SDK1: variants seen among roughly 807,000 people sequenced by gnomAD.
SDK1 encodes the protein sidekick cell adhesion molecule 1.
Under a neutral mutation model 245.5 loss-of-function variants are expected in SDK1, and 157 were observed. The observed-to-expected ratio is 0.64, with a 90% confidence interval of 0.56 to 0.73. SDK1 has a LOEUF of 0.73. Ranked by LOEUF, SDK1 falls within the 30% of genes least tolerant of loss-of-function variation. The pLI, the probability that SDK1 is intolerant of heterozygous loss-of-function variation, is 0.00. For missense variants in SDK1, 3,583 were observed against 3,002.3 expected, an observed-to-expected ratio of 1.19 and a Z score of -4.52; for synonymous variants, 1,647 against 1,278.5, an observed-to-expected ratio of 1.29 and a Z score of -6.15.
intron 44 of SDK1, among the ~76,000 whole-genome samples, chr7:4,259,404 T>C (rs13228974): frequency 0.19 from 28,540 of 152,186 alleles, 3,020 homozygotes; most frequent in Non-Finnish European, 0.24. Flanking sequence ...CACTGCACTC[T>C]AGCCTGGGCT....
chr7:4,008,574 G>C (rs1369832225), intron 14 of SDK1, among the ~76,000 whole-genome samples: 1 of 152,176 alleles, frequency 6.6e-6, no homozygotes, highest in African/African-American at 2.4e-5. Flanking sequence ...GCACGTAAAA[G>C]AAAGCGAAGA....
chr7:3,648,376 A>C (rs896060945), intron 4 of SDK1, among the ~76,000 whole-genome samples: 4 of 152,214 alleles, frequency 2.6e-5, no homozygotes, highest in Admixed American at 6.5e-5. Flanking sequence ...ATGTGCAAGC[A>C]CAAGTATTCT....
chr7:3,471,511 C>A (rs1781180002), intron 1 of SDK1, among the ~76,000 whole-genome samples: 1 of 152,100 alleles, frequency 6.6e-6, no homozygotes, highest in South Asian at 2.1e-4. Flanking sequence ...ATTAAGGAGT[C>A]ATTAATAAAG....
rs555868355 is a variant in SDK1, at chr7:4,112,550, A to T, written c.3435-739A>T. 6.7e-4 allele frequency among the ~76,000 whole-genome samples: 102 copies of T among 152,276 alleles called. 3 individuals are homozygous for T. In the South Asian group the frequency reaches 0.02, roughly 30 times the overall value. On this transcript the variant is annotated intron_variant, in intron 23 of 44. Coordinates refer to ENST00000404826, the MANE Select transcript of SDK1 (RefSeq NM_152744.4). ...TGCCCTTTGGTAGTGACATCCTGAT[A>T]TTCCAATTCTGTCCCATAGCTACTT...
chr7:3,618,665 T>G, intron 1 of SDK1, among the ~76,000 whole-genome samples: 1 of 152,260 alleles, frequency 6.6e-6, no homozygotes, highest in Non-Finnish European at 1.5e-5. Context: ...TTGCTTATCT[T>G]ACTTTTTTAA....
intron 4 of SDK1, among the ~76,000 whole-genome samples, chr7:3,645,919 C>T (rs1041128346): frequency 1.3e-5 from 2 of 151,800 alleles, no homozygotes; most frequent in Non-Finnish European, 2.9e-5. Flanking sequence ...AGTGCAGTGG[C>T]CCAATCTAGG....
chr7:3,563,119 A>C (rs1376526402), intron 1 of SDK1, among the ~76,000 whole-genome samples: 1 of 152,214 alleles, frequency 6.6e-6, no homozygotes, highest in Non-Finnish European at 1.5e-5. Context: ...GACATTGTGA[A>C]AATGAAAAGC....
intron 1 of SDK1, among the ~76,000 whole-genome samples, chr7:3,381,433 A>G (rs1781484318): frequency 6.6e-6 from 1 of 152,128 alleles, no homozygotes; most frequent in African/African-American, 2.4e-5. Flanking sequence ...GGGGCAAAGC[A>G]GTGACAGCGG....
At chr7:3,437,722 C>T (rs1275594580) in intron 1 of SDK1, among the ~76,000 whole-genome samples, 2 of 152,122 alleles carry the variant, frequency 1.3e-5, no homozygotes, top group Non-Finnish European at 2.9e-5. Context: ...GCACTCCAGC[C>T]TGGGTGACAG....
rs77408333 is a variant in SDK1, at chr7:4,048,487, C to T, written c.2603-861C>T. Among the ~76,000 whole-genome samples the T allele has an allele frequency of 6.9e-3, 1,051 of 152,258 alleles. 12 individuals are homozygous for T. The highest frequency in any genetic ancestry group is 0.024 in the African/African-American group (985 of 41,558). On this transcript the variant is annotated intron_variant, in intron 17 of 44. Coordinates refer to ENST00000404826, the MANE Select transcript of SDK1 (RefSeq NM_152744.4). Reference sequence around the variant, plus strand: ...CTGTCAGCACCCCGCTTCCCCCCACCCCTCGTCCAGCCGTGCTCCGTGTGC... The same window carrying T: ...CTGTCAGCACCCCGCTTCCCCCCACTCCTCGTCCAGCCGTGCTCCGTGTGC...
chr7:4,143,107 C>G (rs1284897896), intron 28 of SDK1, among the ~76,000 whole-genome samples: 1 of 152,194 alleles, frequency 6.6e-6, no homozygotes, highest in East Asian at 1.9e-4. Context: ...GGGTGTCACT[C>G]CTCAGGGCTG....
chr7:3,670,165 G>T (rs2128662427), intron 4 of SDK1, among the ~76,000 whole-genome samples: 1 of 152,230 alleles, frequency 6.6e-6, no homozygotes, highest in African/African-American at 2.4e-5. Context: ...CATTCCCCAT[G>T]CTGTGGTCAG....
At chr7:3,551,495 A>G (rs1350433494) in intron 1 of SDK1, among the ~76,000 whole-genome samples, 1 of 152,042 alleles carries the variant, frequency 6.6e-6, no homozygotes, top group African/African-American at 2.4e-5. Flanking sequence ...GGACACATTT[A>G]TACATCATTT....
At chr7:3,550,382 C>T (rs989079319) in intron 1 of SDK1, among the ~76,000 whole-genome samples, 2 of 152,144 alleles carry the variant, frequency 1.3e-5, no homozygotes, top group African/African-American at 4.8e-5. Context: ...AATCAACATA[C>T]TGTGGCACGA....
chr7:3,545,671 T>A, intron 1 of SDK1, among the ~76,000 whole-genome samples: 1 of 152,210 alleles, frequency 6.6e-6, no homozygotes, highest in East Asian at 1.9e-4. Context: ...TGCCATCCTC[T>A]GGCTGGTTCA....
intron 32 of SDK1, among the ~76,000 whole-genome samples, chr7:4,164,977 A>G (rs996134176): frequency 1.3e-5 from 2 of 152,262 alleles, no homozygotes; most frequent in Admixed American, 1.3e-4. Flanking sequence ...AAACAGAACA[A>G]AGAAAAAGAA....
At chr7:3,437,879 A>G (rs1028370278) in intron 1 of SDK1, among the ~76,000 whole-genome samples, 1 of 152,220 alleles carries the variant, frequency 6.6e-6, no homozygotes. Flanking sequence ...AAGTGAAGGG[A>G]TTACGTAGTT....
chr7:3,896,892 A>T (rs1562520284), intron 5 of SDK1, among the ~76,000 whole-genome samples: 1 of 152,216 alleles, frequency 6.6e-6, no homozygotes, highest in African/African-American at 2.4e-5. Context: ...TGGGTAATTT[A>T]TAAAGAGAAG....
intron 7 of SDK1, among the ~76,000 whole-genome samples, chr7:3,958,516 G>A (rs1781434555): frequency 1.3e-5 from 2 of 152,178 alleles, no homozygotes; most frequent in Admixed American, 6.5e-5. Flanking sequence ...TATGTTAATA[G>A]GCTGTTGCCC....
Sources: allele counts gnomAD v4.1 joint callset (sites outside exome capture counted in the v4.1 genomes callset), GRCh38; gene constraint gnomAD v4.1.1; transcripts MANE v1.5; gene names NCBI Gene and HGNC (gene_info 2026-07-23, HGNC 2026-07-21).